The following NRG1 variants were observed in gnomAD, a reference collection of about 807,000 sequenced individuals.
NRG1 encodes neuregulin 1, also known as pro-neuregulin-1, membrane-bound isoform.
Under a neutral mutation model 63.8 loss-of-function variants are expected in NRG1, and 18 were observed. The observed-to-expected ratio is 0.28, with a 90% CI of 0.19 to 0.42. NRG1 has a LOEUF of 0.42. Among genes scored for constraint, NRG1 ranks in the 10% least tolerant of loss-of-function variants. The probability of loss-of-function intolerance (pLI) is 1.00; values close to 1 mark genes in which losing one functional copy is unlikely to be tolerated. For synonymous variants in NRG1, 302 were observed against 301.3 expected, an observed-to-expected ratio of 1.00 and a Z score of -0.02; for missense variants, 762 against 814.7, an observed-to-expected ratio of 0.94 and a Z score of 0.79.
At chr8:32,632,153 A>C (rs1388153179) in intron 5 of NRG1, among the ~76,000 whole-genome samples, 1 of 152,208 alleles carries the variant, frequency 6.6e-6, no homozygotes, top group Non-Finnish European at 1.5e-5. Context: ...ACCGATTTTT[A>C]AAGTGAAAAT....
chr8:32,157,239 C>T lies in NRG1; in HGVS notation c.38-438589C>T, dbSNP rs181898061. ...ACAAAAATTAGCGTGCTGGCATGCA[C>T]CTGTAGTCCCAGCTACTCGGGAGGC... On this transcript the variant is annotated intron_variant, in intron 1 of 10. Coordinates refer to the NRG1 transcript ENST00000519301. Among the ~76,000 whole-genome samples, 395 of 151,176 alleles carry T rather than the reference C, an allele frequency of 2.6e-3. 3 individuals are homozygous for T. The highest frequency in any genetic ancestry group is 4.4e-3 in the Non-Finnish European group (301 of 67,886).
chr8:32,341,665 T>C (rs1339754414), intron 1 of NRG1, among the ~76,000 whole-genome samples: 1 of 152,174 alleles, frequency 6.6e-6, no homozygotes, highest in Non-Finnish European at 1.5e-5. Flanking sequence ...GTTTTCCGTG[T>C]CCGTTCTCAG....
intron 1 of NRG1, among the ~76,000 whole-genome samples, chr8:32,565,445 G>A: frequency 6.6e-6 from 1 of 152,210 alleles, no homozygotes; most frequent in East Asian, 1.9e-4. Flanking sequence ...AAAGTACGTT[G>A]GACCTTCTTT....
At position 31,967,310 on chromosome 8, in the gene NRG1, C is replaced by T. The variant is rs1379018493; in HGVS notation, c.37+327879C>T. ...AGTCTCTATTTCCCCTTTTCCTTAT[C>T]CTCTTCCTCCATCTTTTTTATTCTT... On this transcript the variant is annotated intron_variant, in intron 1 of 10. Transcript: ENST00000519301. 9.8e-4 allele frequency among the ~76,000 whole-genome samples: 149 copies of T among 152,244 alleles called. 3 individuals are homozygous for T. Among genetic ancestry groups the T allele is most frequent in the Non-Finnish European group, 3.8e-4 (26 of 68,022 alleles).
At chr8:31,835,484 T>A (rs1420765548) in intron 1 of NRG1, among the ~76,000 whole-genome samples, 1 of 152,166 alleles carries the variant, frequency 6.6e-6, no homozygotes, top group African/African-American at 2.4e-5. Flanking sequence ...ATGGCTGTAG[T>A]ATAGACGCTT....
chr8:31,733,611 C>T (rs1272540155), intron 1 of NRG1, among the ~76,000 whole-genome samples: 1 of 152,118 alleles, frequency 6.6e-6, no homozygotes, highest in Non-Finnish European at 1.5e-5. Flanking sequence ...TCTCTTTCAT[C>T]TCCCACCCAT....
chr8:32,499,571 G>T (rs1042284258), intron 1 of NRG1, among the ~76,000 whole-genome samples: 2 of 152,138 alleles, frequency 1.3e-5, no homozygotes, highest in Admixed American at 1.3e-4. Context: ...CTACTCAGGA[G>T]GCTGAGGTGG....
At chr8:32,628,845 G>T (rs1849760146) in intron 5 of NRG1, among the ~76,000 whole-genome samples, 1 of 150,270 alleles carries the variant, frequency 6.7e-6, no homozygotes, top group Non-Finnish European at 1.5e-5. Context: ...CGATTCTCCT[G>T]CCTCAGTCTC....
chr8:32,652,295 G>A (rs552924018), intron 5 of NRG1, among the ~76,000 whole-genome samples: 15 of 152,210 alleles, frequency 9.9e-5, no homozygotes, highest in East Asian at 5.8e-4. Flanking sequence ...ATTTTCAGTC[G>A]TGGTGGTCTT....
In NRG1 at chr8:32,019,288, C is replaced by T. The variant is rs190360485; in HGVS notation, c.37+379857C>T. ...TAATTTTTTGTATTTTTAGTACAGA[C>T]GGGTTTTCACCATGTTAGCCAGGAT... On this transcript the variant is annotated intron_variant, in intron 1 of 10. Coordinates refer to the NRG1 transcript ENST00000519301. 1.2e-3 allele frequency among the ~76,000 whole-genome samples: 181 copies of T among 152,222 alleles called. No individual in the cohort carries two copies. The Middle Eastern group carries it at 0.017, about 14-fold the overall frequency.
chr8:32,041,842 G>T (rs1260425535), intron 1 of NRG1, among the ~76,000 whole-genome samples: 1 of 152,152 alleles, frequency 6.6e-6, no homozygotes, highest in Non-Finnish European at 1.5e-5. Context: ...AACCTCAGGA[G>T]ACCAACCTCA....
chr8:31,927,995 T>TTA (rs1834532254), intron 1 of NRG1, among the ~76,000 whole-genome samples: 1 of 139,752 alleles, frequency 7.2e-6, no homozygotes, highest in African/African-American at 2.6e-5. Context: ...TAGGTATATT[T>TTA]AAAAAAAAAA....
intron 1 of NRG1, among the ~76,000 whole-genome samples, chr8:31,664,115 G>A (rs1464840481): frequency 6.6e-6 from 1 of 152,052 alleles, no homozygotes; most frequent in African/African-American, 2.4e-5. Context: ...TGTCTGTCTA[G>A]TACCAAACTT....
intron 1 of NRG1, among the ~76,000 whole-genome samples, chr8:32,015,481 T>C (rs1018411751): frequency 6.6e-6 from 1 of 152,138 alleles, no homozygotes; most frequent in Non-Finnish European, 1.5e-5. Context: ...CCCTAAATTC[T>C]ACAGGCAGTG....
chr8:31,982,528 T>A (rs114569706), intron 1 of NRG1, among the ~76,000 whole-genome samples: 2,358 of 152,170 alleles, frequency 0.015, 30 homozygotes, highest in Middle Eastern at 0.054. Flanking sequence ...TGAAAGAGCA[T>A]GTTTCTGCAC....
At chr8:32,512,836 A>C (rs1197872432) in intron 1 of NRG1, among the ~76,000 whole-genome samples, 3 of 152,202 alleles carry the variant, frequency 2.0e-5, no homozygotes. Flanking sequence ...ATTTGTTTAT[A>C]ATAAGGATAC....
At chr8:32,071,031 T>C (rs1401874591) in intron 1 of NRG1, among the ~76,000 whole-genome samples, 1 of 152,166 alleles carries the variant, frequency 6.6e-6, no homozygotes, top group Non-Finnish European at 1.5e-5. Flanking sequence ...CCTATGATTC[T>C]CTTCTCTATG....
At chr8:32,476,035 C>A (rs1824476118) in intron 1 of NRG1, among the ~76,000 whole-genome samples, 1 of 152,054 alleles carries the variant, frequency 6.6e-6, no homozygotes, top group Admixed American at 6.6e-5. Flanking sequence ...AGGTAGCTGC[C>A]TCTGGATCCT....
intron 1 of NRG1, among the ~76,000 whole-genome samples, chr8:31,747,679 A>G (rs747379537): frequency 2.0e-5 from 3 of 151,918 alleles, no homozygotes; most frequent in Admixed American, 6.6e-5. Flanking sequence ...GACCTTGGCC[A>G]TGTTAGTTGG....
Sources: allele counts gnomAD v4.1 joint callset (sites outside exome capture counted in the v4.1 genomes callset), GRCh38; gene constraint gnomAD v4.1.1; transcripts MANE v1.5; gene names NCBI Gene and HGNC (gene_info 2026-07-23, HGNC 2026-07-21).